The following DEFB129 variants were observed in gnomAD, a reference collection of about 807,000 sequenced individuals.
DEFB129 encodes beta-defensin 129.
Under a neutral mutation model 2.5 loss-of-function variants are expected in DEFB129, and 2 were observed. The ratio of observed to expected loss-of-function variants is 0.80; its 90% CI spans 0.33 to 2.53. The LOEUF (loss-of-function observed/expected upper bound fraction) is 2.53, where lower values mean the gene tolerates loss of function less well. DEFB129 is among the 30% of genes most tolerant of loss of function. The pLI is 0.11. For missense variants in DEFB129, 177 were observed against 216.9 expected, an observed-to-expected ratio of 0.82 and a Z score of 1.16; for synonymous variants, 76 against 74.4, an observed-to-expected ratio of 1.02 and a Z score of -0.11.
chr20:229,348 A>C lies in DEFB129; in HGVS notation c.129A>C (p.Lys43Asn), dbSNP rs143345128. Reference protein sequence around the residue: ...RCRDHCNVDEKEIQKCKMKKC... With the variant: ...RCRDHCNVDENEIQKCKMKKC... ...GGGATCACTGCAATGTGGATGAAAA[A>C]GAGATACAGAAATGCAAGATGAAAA... The change falls in exon 2 of 2, where the codon AAA becomes AAC. Residue 43 changes from lysine to asparagine, a missense_variant. Lys to Asn is a moderately conservative substitution (Grantham distance 94). Coordinates refer to ENST00000246105, the MANE Select transcript of DEFB129 (RefSeq NM_080831.4). The C allele has an allele frequency of 7.3e-5, 118 of 1,614,086 alleles. No individual in the cohort carries two copies. In the African/African-American group the frequency reaches 1.4e-3, roughly 19 times the overall value.
rs776177889 is a variant in DEFB129 at position 229,481 on chromosome 20, A to C, written c.262A>C (p.Asn88His). Residue 88 changes from asparagine to histidine, a missense_variant, in exon 2 of 2, where the codon AAT becomes CAT. Transcript: ENST00000246105. ...DVQEMLKPAKNSSAVIQRKHI... is the reference protein window; with the variant it reads ...DVQEMLKPAKHSSAVIQRKHI... ...CCAAGAAATGCTAAAACCTGCCAAGAATTCTAGTGCTGTGATACAAAGAAA... is the reference window on the plus strand; with the variant it reads ...CCAAGAAATGCTAAAACCTGCCAAGCATTCTAGTGCTGTGATACAAAGAAA... 3 of 1,614,148 alleles carry C rather than the reference A, an allele frequency of 1.9e-6. No homozygotes were observed. The highest frequency in any genetic ancestry group is 2.7e-5 in the African/African-American group (2 of 75,058).
At position 227,361 on chromosome 20, in the gene DEFB129, C is replaced by T. The variant is rs2011293141; in HGVS notation, c.58+15C>T. ...GGTGAACACAGGTAATGTGGATTCCCAAGTTTAAGATGGGTAGATGAGAGG... is the reference window on the plus strand; with the variant it reads ...GGTGAACACAGGTAATGTGGATTCCTAAGTTTAAGATGGGTAGATGAGAGG... On this transcript the variant is annotated intron_variant, in intron 1 of 1. Coordinates refer to ENST00000246105, the MANE Select transcript of DEFB129 (RefSeq NM_080831.4). The T allele has an allele frequency of 5.6e-6, 9 of 1,613,836 alleles. No individual in the cohort carries two copies. Among genetic ancestry groups the T allele is most frequent in the Non-Finnish European group, 7.6e-6 (9 of 1,179,866 alleles).
chr20:229,376 T>C lies in DEFB129; in HGVS notation c.157T>C (p.Cys53Arg), dbSNP rs1368832170. The change falls in exon 2 of 2, where the codon TGT becomes CGT. Residue 53 changes from cysteine (C) to arginine (R), a missense_variant. Physicochemically the swap from Cys to Arg is radical, Grantham distance 180 (BLOSUM62 -3). Coordinates refer to ENST00000246105, the MANE Select transcript of DEFB129 (RefSeq NM_080831.4). ...KEIQKCKMKKCCVGPKVVKLI... is the reference protein window; with the variant it reads ...KEIQKCKMKKRCVGPKVVKLI... ...GATACAGAAATGCAAGATGAAAAAA[T>C]GTTGTGTTGGACCAAAAGTGGTTAA... is the stretch of plus-strand genomic sequence containing the variant. 1 of 1,613,840 alleles carries C rather than the reference T, an allele frequency of 6.2e-7. No individual in the cohort carries two copies. The highest frequency in any genetic ancestry group is 8.5e-7 in the Non-Finnish European group (1 of 1,179,980).
intron 1 of DEFB129, among the ~76,000 whole-genome samples, chr20:228,740 AGT>A (rs1290431580): frequency 1.3e-5 from 2 of 152,202 alleles, no homozygotes; most frequent in Non-Finnish European, 2.9e-5. Flanking sequence ...TGAGAGATAG[AGT>A]GTCCAAAGAG....
At chr20:227,930 G>T (rs2122158145) in intron 1 of DEFB129, among the ~76,000 whole-genome samples, 1 of 152,104 alleles carries the variant, frequency 6.6e-6, no homozygotes, top group East Asian at 1.9e-4. Context: ...TTTGTGCTTG[G>T]TGTAGAAAGG....
chr20:229,760 G>A lies in DEFB129; in HGVS notation c.541G>A (p.Glu181Lys). 2 of 1,609,206 alleles carry A rather than the reference G, an allele frequency of 1.2e-6. No individual in the cohort carries two copies. Among genetic ancestry groups the A allele is most frequent in the Non-Finnish European group, 1.7e-6 (2 of 1,179,634 alleles). Residue 181 changes from glutamate to lysine, a missense_variant, in exon 2 of 2, where the codon GAA becomes AAA. By Grantham distance (56) the Glu-to-Lys change is moderately conservative. Coordinates refer to ENST00000246105, the MANE Select transcript of DEFB129 (RefSeq NM_080831.4). The stretch of plus-strand genomic sequence containing the variant: ...ACCATCACTGGAGCTAGAGGAAGCA[G>A]AAGAGCAGTAATGTGGATCTTTCCC... ...PTPSLELEEA[E>K]EQ
chr20:228,736 A>T (rs940963561), intron 1 of DEFB129, among the ~76,000 whole-genome samples: 12 of 152,228 alleles, frequency 7.9e-5, no homozygotes, highest in African/African-American at 2.9e-4. Flanking sequence ...CTTCTGAGAG[A>T]TAGAGTGTCC....
At chr20:227,457 A>G in intron 1 of DEFB129, 111 bp downstream of exon 1, 1 of 1,248,604 alleles carries the variant, frequency 8.0e-7, no homozygotes, top group Non-Finnish European at 1.2e-6. Context: ...CTGTTCAAAA[A>G]GATGGCTAAA....
At position 229,696 on chromosome 20, in the gene DEFB129, G is replaced by A. The variant is rs200324673; in HGVS notation, c.477G>A (p.Ser159=). The A allele has an allele frequency of 1.7e-5, 27 of 1,613,536 alleles. No homozygotes were observed. Among genetic ancestry groups the A allele is most frequent in the Admixed American group, 3.3e-5 (2 of 59,972 alleles). The change falls in exon 2 of 2, where the codon TCG becomes TCA. Residue 159 remains serine, a synonymous_variant. Transcript: ENST00000246105. ...AAAGCAGAGATTCTGCCACTGCCTC[G>A]CCACCACCAGCACCACCTCCACCAA... ...TKESRDSATA[S]PPPAPPPPNI...
rs754079488 is a variant in DEFB129 at position 229,802 on chromosome 20, C to T, written c.*31C>T. Reference sequence around the variant, plus strand: ...ATCTTTCCCTTAAAACTCCAAGTTCCTCTCTATTTTTGCTATCTATAAAAT... The same window carrying T: ...ATCTTTCCCTTAAAACTCCAAGTTCTTCTCTATTTTTGCTATCTATAAAAT... On this transcript the variant is annotated 3_prime_UTR_variant, in exon 2 of 2. Coordinates refer to ENST00000246105, the MANE Select transcript of DEFB129 (RefSeq NM_080831.4). The T allele has an allele frequency of 4.7e-5, 75 of 1,579,972 alleles. No individual in the cohort carries two copies. The highest frequency in any genetic ancestry group is 6.2e-5 in the Non-Finnish European group (72 of 1,169,194).
At chr20:228,037 C>T (rs1447020621) in intron 1 of DEFB129, among the ~76,000 whole-genome samples, 1 of 152,146 alleles carries the variant, frequency 6.6e-6, no homozygotes. Flanking sequence ...TTTCCAGAGC[C>T]TTTATCGCTT....
Position 229,343 on chromosome 20 carries a change from G to A in DEFB129, c.124G>A (p.Glu42Lys). Residue 42 changes from glutamate to lysine, a missense_variant, in exon 2 of 2, where the codon GAA becomes AAA. Transcript: ENST00000246105. Reference sequence around the variant, plus strand: ...ATGCAGGGATCACTGCAATGTGGATGAAAAAGAGATACAGAAATGCAAGAT... The same window carrying A: ...ATGCAGGGATCACTGCAATGTGGATAAAAAAGAGATACAGAAATGCAAGAT... ...GRCRDHCNVDEKEIQKCKMKK... is the reference protein window; with the variant it reads ...GRCRDHCNVDKKEIQKCKMKK... The A allele has an allele frequency of 1.2e-6, 2 of 1,613,974 alleles. No homozygotes were observed. The highest frequency in any genetic ancestry group is 2.2e-5 in the South Asian group (2 of 91,024).
chr20:228,275 CTTCTAATGTTT>C (rs917850376), intron 1 of DEFB129, among the ~76,000 whole-genome samples: 1 of 142,258 alleles, frequency 7.0e-6, no homozygotes, highest in African/African-American at 2.9e-5. Flanking sequence ...ATGTTTTTAT[CTTCTAATGTTT>C]TTATCTTGGG....
intron 1 of DEFB129, among the ~76,000 whole-genome samples, chr20:228,565 C>A (rs914513554): frequency 1.3e-5 from 2 of 152,112 alleles, no homozygotes; most frequent in South Asian, 4.1e-4. Context: ...GGGAGAAAAG[C>A]TTTCTTGATT....
chr20:229,884 A>T lies in DEFB129; in HGVS notation c.*113A>T, dbSNP rs568373346. 1 of 1,384,148 alleles carries T rather than the reference A, an allele frequency of 7.2e-7. No individual in the cohort carries two copies. The allele number at this position is 1,384,148 out of a possible 1,614,324, so 85.7% of individuals were successfully genotyped here. On this transcript the variant is annotated 3_prime_UTR_variant, in exon 2 of 2. Coordinates refer to ENST00000246105, the MANE Select transcript of DEFB129 (RefSeq NM_080831.4). ...TTCAATAAACACTGTTTGAGCACCT[A>T]CAGTTTATGTAATATTATCATTCTC...
intron 1 of DEFB129, among the ~76,000 whole-genome samples, chr20:228,264 AATGTTTTTATCTT>A (rs1409262348): frequency 2.1e-5 from 3 of 142,300 alleles, no homozygotes; most frequent in African/African-American, 8.6e-5. Flanking sequence ...AGATGCTTCT[AATGTTTTTATCTT>A]CTAATGTTTT....
At chr20:229,004 T>G (rs1348305821) in intron 1 of DEFB129, among the ~76,000 whole-genome samples, 2 of 152,220 alleles carry the variant, frequency 1.3e-5, no homozygotes, top group Non-Finnish European at 2.9e-5. Flanking sequence ...TAAAATTCCA[T>G]CCTAAAAGCA....
chr20:229,685 G>C lies in DEFB129; in HGVS notation c.466G>C (p.Ala156Pro). The stretch of plus-strand genomic sequence containing the variant: ...TAACACCAAAGAAAGCAGAGATTCT[G>C]CCACTGCCTCGCCACCACCAGCACC... The part of the protein sequence containing the change: ...KSNTKESRDS[A>P]TASPPPAPPP... Residue 156 changes from alanine to proline, a missense_variant, in exon 2 of 2, where the codon GCC becomes CCC. Transcript: ENST00000246105. 2 of 1,613,984 alleles carry C rather than the reference G, an allele frequency of 1.2e-6. No homozygotes were observed. The highest frequency in any genetic ancestry group is 8.5e-7 in the Non-Finnish European group (1 of 1,180,000).
Position 228,044 on chromosome 20 carries a change from G to T in DEFB129, c.58+698G>T, listed in dbSNP as rs6110474. 3.9e-3 allele frequency among the ~76,000 whole-genome samples: 590 copies of T among 152,064 alleles called. 4 individuals carry two copies. The highest frequency in any genetic ancestry group is 0.014 in the African/African-American group (568 of 41,448). Reference sequence around the variant, plus strand: ...TTTCAGGTTTTCCAGAGCCTTTATCGCTTCTCTCAGACTTTGTCTTCCTGA... The same window carrying T: ...TTTCAGGTTTTCCAGAGCCTTTATCTCTTCTCTCAGACTTTGTCTTCCTGA... On this transcript the variant is annotated intron_variant, in intron 1 of 1. Coordinates refer to ENST00000246105, the MANE Select transcript of DEFB129 (RefSeq NM_080831.4).
Sources: gnomAD v4.1 joint callset for allele counts (sites outside exome capture counted in the v4.1 genomes callset) on GRCh38, gnomAD v4.1.1 for gene constraint, MANE v1.5 for transcripts, NCBI Gene and HGNC (gene_info 2026-07-23, HGNC 2026-07-21) for gene names.